Variants in RBFOX1 observed in about 807,000 individuals in gnomAD.
RBFOX1 encodes the protein RNA binding fox-1 homolog 1, also known as RNA binding protein fox-1 homolog 1.
Under a neutral mutation model 57.7 loss-of-function variants are expected in RBFOX1, and 8 were observed. The ratio of observed to expected loss-of-function variants is 0.14; its 90% confidence interval spans 0.08 to 0.25. The LOEUF (loss-of-function observed/expected upper bound fraction) is 0.25. Ranked by LOEUF, RBFOX1 falls within the 10% of genes least tolerant of loss-of-function variation. The pLI, the probability that RBFOX1 is intolerant of heterozygous loss-of-function variation, is 1.00. For synonymous variants in RBFOX1, 326 were observed against 222.4 expected, an observed-to-expected ratio of 1.47 and a Z score of -4.15; for missense variants, 611 against 548.5, an observed-to-expected ratio of 1.11 and a Z score of -1.14.
intron 3 of RBFOX1, among the ~76,000 whole-genome samples, chr16:6,974,798 G>A (rs941072602): frequency 6.6e-6 from 1 of 152,092 alleles, no homozygotes; most frequent in Non-Finnish European, 1.5e-5. Flanking sequence ...CCTTGATGAA[G>A]TTTGCCAGTC....
intron 1 of RBFOX1, chr16:6,092,307 G>T (rs1044228881): frequency 6.6e-6 from 1 of 152,210 alleles, no homozygotes; most frequent in Admixed American, 6.5e-5. Context: ...TCCCCACCCT[G>T]AGGATGGTGA....
chr16:5,541,956 T>C (rs2044972491), intron 2 of RBFOX1, among the ~76,000 whole-genome samples: 1 of 152,134 alleles, frequency 6.6e-6, no homozygotes, highest in South Asian at 2.1e-4. Flanking sequence ...ATAATTTCTT[T>C]AGTGGTGATT....
intron 4 of RBFOX1, among the ~76,000 whole-genome samples, chr16:7,385,906 C>T (rs887195456): frequency 1.6e-4 from 22 of 141,452 alleles, no homozygotes; most frequent in African/African-American, 5.3e-4. Context: ...GCACATGCCA[C>T]CATGCCCAGT....
chr16:5,430,634 T>G (rs920619412), intron 1 of RBFOX1, among the ~76,000 whole-genome samples: 1 of 152,174 alleles, frequency 6.6e-6, no homozygotes, highest in Non-Finnish European at 1.5e-5. Context: ...CTCCAGACAC[T>G]CAGTGATCAG....
intron 1 of RBFOX1, among the ~76,000 whole-genome samples, chr16:6,205,845 A>G (rs999154143): frequency 7.1e-6 from 1 of 141,762 alleles, no homozygotes; most frequent in Middle Eastern, 3.3e-3. Context: ...CCTTTGAACA[A>G]GAGCCTACGA....
intron 3 of RBFOX1, among the ~76,000 whole-genome samples, chr16:6,855,700 A>G (rs924604764): frequency 2.0e-5 from 3 of 151,814 alleles, no homozygotes; most frequent in Non-Finnish European, 4.4e-5. Flanking sequence ...TATCTCAGCG[A>G]TCGAAACCTT....
intron 2 of RBFOX1, among the ~76,000 whole-genome samples, chr16:6,331,605 T>G (rs2083043187): frequency 1.1e-5 from 1 of 87,432 alleles, no homozygotes; most frequent in South Asian, 3.4e-4. Context: ...TGTATATATA[T>G]GTGTATATAT....
rs1183138044 is a variant in RBFOX1 at position 7,333,095 on chromosome 16, C to G, written c.28-185052C>G. ...CCTTCCTGGACTGATTCAGGTAATT[C>G]AAGGCCTCTGCCAGCCAGCAACTTA... On this transcript the variant is annotated intron_variant, in intron 4 of 15. Coordinates refer to ENST00000550418, the MANE Select transcript of RBFOX1 (RefSeq NM_018723.4). The G allele has an allele frequency of 4.3e-6, 7 of 1,612,556 alleles. No homozygotes were observed. In the African/African-American group the frequency reaches 5.3e-5, roughly 12 times the overall value.
At chr16:6,300,687 G>C (rs1278560438) in intron 1 of RBFOX1, among the ~76,000 whole-genome samples, 1 of 152,082 alleles carries the variant, frequency 6.6e-6, no homozygotes, top group Admixed American at 6.6e-5. Context: ...TATGGCATGG[G>C]GCTTCGTGCA....
chr16:5,633,640 G>T (rs772168182), intron 3 of RBFOX1, among the ~76,000 whole-genome samples: 1 of 152,086 alleles, frequency 6.6e-6, no homozygotes, highest in Non-Finnish European at 1.5e-5. Flanking sequence ...TTGGGAGGTC[G>T]AGGTGGGTGG....
intron 4 of RBFOX1, among the ~76,000 whole-genome samples, chr16:5,871,533 C>T (rs986772683): frequency 2.0e-5 from 3 of 152,094 alleles, no homozygotes; most frequent in Admixed American, 6.6e-5. Flanking sequence ...TACACATTTC[C>T]CCCCTATTTA....
intron 3 of RBFOX1, among the ~76,000 whole-genome samples, chr16:6,907,241 G>C (rs2153424464): frequency 6.6e-6 from 1 of 152,248 alleles, no homozygotes; most frequent in South Asian, 2.1e-4. Context: ...TGCGCAGGAT[G>C]GCCCCCGAAG....
intron 4 of RBFOX1, among the ~76,000 whole-genome samples, chr16:7,254,317 T>C (rs1023853033): frequency 6.6e-6 from 1 of 152,128 alleles, no homozygotes; most frequent in Non-Finnish European, 1.5e-5. Flanking sequence ...TTTTCTTGGA[T>C]TACTAATTCA....
At chr16:7,041,664 A>C (rs1420368689) in intron 3 of RBFOX1, among the ~76,000 whole-genome samples, 2 of 152,078 alleles carry the variant, frequency 1.3e-5, no homozygotes, top group Non-Finnish European at 2.9e-5. Flanking sequence ...ATAATATCAA[A>C]CCTTTCGAAA....
At chr16:7,470,707 G>C (rs368064569) in intron 4 of RBFOX1, among the ~76,000 whole-genome samples, 1 of 152,022 alleles carries the variant, frequency 6.6e-6, no homozygotes, top group Non-Finnish European at 1.5e-5. Context: ...TATATAGATG[G>C]GGGGAAAGAT....
Position 5,550,485 on chromosome 16 carries a change from C to G in RBFOX1, c.259-48417C>G, listed in dbSNP as rs185245706. On this transcript the variant is annotated intron_variant, in intron 2 of 2. Coordinates refer to the RBFOX1 transcript ENST00000585867. The stretch of plus-strand genomic sequence containing the variant: ...CCCAGGGGGGCAGTAGGAAGGGGAG[C>G]CAGCTCTCCCTTGACCCAGAACTGA... Among the ~76,000 whole-genome samples the G allele has an allele frequency of 2.0e-5, 3 of 152,256 alleles. No individual in the cohort carries two copies. In the East Asian group the frequency reaches 5.8e-4, roughly 29 times the overall value.
chr16:5,283,998 A>T (rs2063333170), intron 1 of RBFOX1, among the ~76,000 whole-genome samples: 1 of 152,034 alleles, frequency 6.6e-6, no homozygotes, highest in Non-Finnish European at 1.5e-5. Flanking sequence ...TATTGGAGGG[A>T]CCTAGTGGGA....
chr16:6,616,307 A>G (rs374725456), intron 2 of RBFOX1, among the ~76,000 whole-genome samples: 1 of 152,094 alleles, frequency 6.6e-6, no homozygotes, highest in African/African-American at 2.4e-5. Flanking sequence ...GCTATATTAC[A>G]TGCTATAATC....
intron 2 of RBFOX1, among the ~76,000 whole-genome samples, chr16:6,526,111 G>A (rs1567557704): frequency 6.6e-6 from 1 of 152,166 alleles, no homozygotes; most frequent in Non-Finnish European, 1.5e-5. Context: ...AGAAGATAAA[G>A]TGAGTCATGG....
Sources: gnomAD v4.1 joint callset for allele counts (sites outside exome capture counted in the v4.1 genomes callset) on GRCh38, gnomAD v4.1.1 for gene constraint, MANE v1.5 for transcripts, NCBI Gene and HGNC (gene_info 2026-07-23, HGNC 2026-07-21) for gene names.